ITGB6: variants seen among roughly 807,000 people sequenced by gnomAD.
ITGB6 encodes the protein integrin subunit beta 6.
Under a neutral mutation model 84.5 loss-of-function variants are expected in ITGB6, and 80 were observed. The observed-to-expected ratio is 0.95, with a 90% confidence interval of 0.79 to 1.14. ITGB6 has a LOEUF of 1.14. Ranked by LOEUF, ITGB6 falls within the 50% of genes most tolerant of loss-of-function variation. ITGB6 has a pLI of 0.00. For missense variants in ITGB6, 1,006 were observed against 968.0 expected (o/e 1.04, Z -0.52); for synonymous variants, 383 against 354.9 (o/e 1.08, Z -0.89).
At chr2:160,137,219 T>C (rs1574073579) in intron 10 of ITGB6, among the ~76,000 whole-genome samples, 1 of 152,144 alleles carries the variant, frequency 6.6e-6, no homozygotes, top group Non-Finnish European at 1.5e-5. Flanking sequence ...GAAACAATAA[T>C]AGACATAAGT....
At chr2:160,112,332 G>A in intron 12 of ITGB6, 133 bp from the exon 13 acceptor site, 1 of 822,740 alleles carries the variant, frequency 1.2e-6, no homozygotes. Context: ...GAGAGGCATA[G>A]GTTTTTTTTT....
chr2:160,168,896 AG>A (rs1429894272), intron 7 of ITGB6, among the ~76,000 whole-genome samples: 1 of 152,206 alleles, frequency 6.6e-6, no homozygotes, highest in African/African-American at 2.4e-5. Flanking sequence ...AAATAATTCA[AG>A]GGGACAGATA....
Position 160,130,588 on chromosome 2 carries a change from T to C in ITGB6, c.1661-3987A>G, listed in dbSNP as rs530334546. ...TACCTGGATTCATGATATTAAGATA[T>C]ATTTCAACTGTGTTTCATAACCTAT... On this transcript the variant is annotated intron_variant, in intron 10 of 14. Transcript: ENST00000283249. 1.6e-4 allele frequency among the ~76,000 whole-genome samples: 25 copies of C among 152,328 alleles called. No individual in the cohort carries two copies. The East Asian group carries it at 3.7e-3, about 22-fold the overall frequency.
chr2:160,158,475 G>A (rs1424555543), intron 7 of ITGB6, among the ~76,000 whole-genome samples: 1 of 152,200 alleles, frequency 6.6e-6, no homozygotes, highest in African/African-American at 2.4e-5. Context: ...TGAGTATTTT[G>A]TTCCTAAGGA....
At chr2:160,171,508 G>A (rs1048045583) in intron 6 of ITGB6, among the ~76,000 whole-genome samples, 1 of 151,864 alleles carries the variant, frequency 6.6e-6, no homozygotes, top group Non-Finnish European at 1.5e-5. Context: ...CTAAATTTTT[G>A]TATTTTTTAG....
At chr2:160,191,136 C>T (rs1422104034) in intron 4 of ITGB6, among the ~76,000 whole-genome samples, 1 of 152,186 alleles carries the variant, frequency 6.6e-6, no homozygotes, top group East Asian at 1.9e-4. Flanking sequence ...TAGCACCAAG[C>T]TTATTTCCCT....
intron 7 of ITGB6, among the ~76,000 whole-genome samples, chr2:160,143,343 T>C (rs1388161150): frequency 3.9e-5 from 6 of 152,174 alleles, no homozygotes; most frequent in Non-Finnish European, 8.8e-5. Flanking sequence ...CAAAGGCTTT[T>C]GAAATCTCCG....
chr2:160,174,312 C>T (rs1004201189), intron 4 of ITGB6, among the ~76,000 whole-genome samples, 173 bp from the exon 5 acceptor site: 2 of 152,170 alleles, frequency 1.3e-5, no homozygotes, highest in African/African-American at 2.4e-5. Flanking sequence ...ATCCCCAACC[C>T]TTTCTATGTT....
chr2:160,165,988 T>C (rs1684986625), intron 7 of ITGB6, among the ~76,000 whole-genome samples: 1 of 152,222 alleles, frequency 6.6e-6, no homozygotes, highest in South Asian at 2.1e-4. Flanking sequence ...TGAAGTGCAG[T>C]TATTGCAATT....
intron 7 of ITGB6, among the ~76,000 whole-genome samples, chr2:160,144,181 G>A (rs1684101775): frequency 6.6e-6 from 1 of 152,150 alleles, no homozygotes; most frequent in Admixed American, 6.5e-5. Context: ...GGGATTACAG[G>A]TGTGAGCCAC....
chr2:160,169,704 A>G (rs1293336582), intron 6 of ITGB6, among the ~76,000 whole-genome samples: 6 of 152,226 alleles, frequency 3.9e-5, no homozygotes, highest in Non-Finnish European at 5.9e-5. Flanking sequence ...CTGTTGGACT[A>G]TAATATACAT....
At chr2:160,169,567 T>C (rs1685130042) in intron 6 of ITGB6, among the ~76,000 whole-genome samples, 1 of 152,340 alleles carries the variant, frequency 6.6e-6, no homozygotes, top group South Asian at 2.1e-4. Context: ...CTGCCACTTC[T>C]AAGAAGACCA....
At chr2:160,111,990 C>G in intron 13 of ITGB6, 90 bp downstream of exon 13, 1 of 1,327,722 alleles carries the variant, frequency 7.5e-7, no homozygotes, top group Non-Finnish European at 1.0e-6. Flanking sequence ...AATGTCTTTC[C>G]TGGCATGCTA....
At chr2:160,121,916 A>T (rs1683058702) in intron 12 of ITGB6, among the ~76,000 whole-genome samples, 1 of 151,212 alleles carries the variant, frequency 6.6e-6, no homozygotes, top group African/African-American at 2.4e-5. Flanking sequence ...TGGGGAGTAA[A>T]ATACTCCCCA....
At chr2:160,115,551 A>C (rs1682729281) in intron 12 of ITGB6, among the ~76,000 whole-genome samples, 1 of 152,224 alleles carries the variant, frequency 6.6e-6, no homozygotes, top group Admixed American at 6.5e-5. Flanking sequence ...ATAAAACCAC[A>C]AAGATGGGGA....
chr2:160,102,632 T>C (rs922530740), intron 14 of ITGB6, among the ~76,000 whole-genome samples: 1 of 152,210 alleles, frequency 6.6e-6, no homozygotes, highest in African/African-American at 2.4e-5. Flanking sequence ...GTTTGGGTTA[T>C]AGATGTGCCT....
chr2:160,163,275 A>G (rs1684885621), intron 7 of ITGB6, among the ~76,000 whole-genome samples: 1 of 152,200 alleles, frequency 6.6e-6, no homozygotes, highest in Non-Finnish European at 1.5e-5. Flanking sequence ...ATTTACAGGG[A>G]ATTCATCTAT....
intron 2 of ITGB6, among the ~76,000 whole-genome samples, chr2:160,197,908 C>T (rs1686406238): frequency 6.6e-6 from 1 of 152,228 alleles, no homozygotes; most frequent in Non-Finnish European, 1.5e-5. Context: ...CCTCGACTGG[C>T]ATCCTCATAA....
intron 4 of ITGB6, among the ~76,000 whole-genome samples, chr2:160,182,774 T>C (rs1287178578): frequency 6.6e-6 from 1 of 152,164 alleles, no homozygotes; most frequent in Non-Finnish European, 1.5e-5. Flanking sequence ...GAGAAGCCCA[T>C]CAGACTAACA....
Sources: gnomAD v4.1 joint callset for allele counts (sites outside exome capture counted in the v4.1 genomes callset) on GRCh38, gnomAD v4.1.1 for gene constraint, MANE v1.5 for transcripts, NCBI Gene and HGNC (gene_info 2026-07-23, HGNC 2026-07-21) for gene names.